WDR17: variants seen among roughly 807,000 people sequenced by gnomAD.
WDR17 encodes WD repeat domain 17.
In WDR17, 143 loss-of-function variants were observed where a neutral mutation model predicts 161.7. The ratio of observed to expected loss-of-function variants is 0.88; its 90% CI spans 0.77 to 1.02. WDR17 has a LOEUF of 1.02. Among genes scored for constraint, WDR17 ranks in the 50% least tolerant of loss-of-function variants. The pLI is 0.00. For missense variants in WDR17, 1,469 were observed against 1,520.9 expected, an observed-to-expected ratio of 0.97 and a Z score of 0.57; for synonymous variants, 517 against 515.6, an observed-to-expected ratio of 1.00 and a Z score of -0.04.
At chr4:176,080,947 T>A (rs1734668171) in intron 1 of WDR17, among the ~76,000 whole-genome samples, 1 of 145,736 alleles carries the variant, frequency 6.9e-6, no homozygotes, top group Non-Finnish European at 1.5e-5. Flanking sequence ...TTGCATTCAA[T>A]ATCTTTTAAT....
intron 1 of WDR17, among the ~76,000 whole-genome samples, chr4:176,086,581 A>G (rs1415407736): frequency 6.6e-6 from 1 of 151,868 alleles, no homozygotes; most frequent in Non-Finnish European, 1.5e-5. Flanking sequence ...TCTTGCCTCA[A>G]AATCTATTTT....
intron 26 of WDR17, among the ~76,000 whole-genome samples, chr4:176,175,596 C>T (rs1397262560): frequency 6.6e-6 from 1 of 152,120 alleles, no homozygotes; most frequent in Non-Finnish European, 1.5e-5. Context: ...CTCTCTCTGT[C>T]TCCCAGGCTG....
At chr4:176,088,068 T>C (rs1735647457) in intron 1 of WDR17, among the ~76,000 whole-genome samples, 1 of 152,154 alleles carries the variant, frequency 6.6e-6, no homozygotes, top group South Asian at 2.1e-4. Context: ...GGTCTCAAAC[T>C]CTTGGCCTCA....
intron 4 of WDR17, among the ~76,000 whole-genome samples, chr4:176,124,135 T>A (rs915073475): frequency 7.9e-5 from 12 of 152,206 alleles, no homozygotes; most frequent in African/African-American, 2.9e-4. Flanking sequence ...TATCTTTCAA[T>A]TGTGCTTTTT....
intron 1 of WDR17, among the ~76,000 whole-genome samples, chr4:176,109,023 C>T (rs1191346416): frequency 6.6e-6 from 1 of 152,144 alleles, no homozygotes; most frequent in Non-Finnish European, 1.5e-5. Context: ...CTCCTGGGTT[C>T]AAGCGATCCA....
Position 176,113,110 on chromosome 4 carries a change from C to T in WDR17, c.123+1407C>T, listed in dbSNP as rs551455671. ...TCATTTTCACCCCCTTCATACACAA[C>T]ACAGCAGCAAGACTTCTAAATGCCT... is the stretch of plus-strand genomic sequence containing the variant. On this transcript the variant is annotated intron_variant, in intron 2 of 28. Transcript: ENST00000508596. Among the ~76,000 whole-genome samples the T allele has an allele frequency of 4.6e-5, 7 of 151,994 alleles. 1 individual carries two copies. Among genetic ancestry groups the T allele is most frequent in the African/African-American group, 1.4e-4 (6 of 41,474 alleles).
intron 1 of WDR17, among the ~76,000 whole-genome samples, chr4:176,087,222 A>G (rs1735532011): frequency 6.6e-6 from 1 of 151,760 alleles, no homozygotes. Context: ...TTTTTCTAGA[A>G]TGGGTCTACT....
intron 17 of WDR17, among the ~76,000 whole-genome samples, chr4:176,152,933 C>CA (rs201147883): frequency 0.026 from 3,257 of 125,930 alleles, 44 homozygotes; most frequent in African/African-American, 0.051. Flanking sequence ...GACTCCATCT[C>CA]AAAAAAAAAA....
chr4:176,167,561 G>T (rs963892232), intron 22 of WDR17, among the ~76,000 whole-genome samples: 1 of 144,362 alleles, frequency 6.9e-6, no homozygotes, highest in East Asian at 2.2e-4. Flanking sequence ...CAGGAGAATG[G>T]CGTGAACCCC....
At chr4:176,122,469 T>G (rs1338571583) in intron 4 of WDR17, among the ~76,000 whole-genome samples, 1 of 152,216 alleles carries the variant, frequency 6.6e-6, no homozygotes, top group Non-Finnish European at 1.5e-5. Context: ...TAGCAATTAA[T>G]GTGCACAAAA....
intron 1 of WDR17, among the ~76,000 whole-genome samples, chr4:176,070,872 T>C (rs1733145206): frequency 6.6e-6 from 1 of 152,116 alleles, no homozygotes; most frequent in Non-Finnish European, 1.5e-5. Context: ...ATCCATTTGA[T>C]TTTCTTTGCT....
Position 176,179,660 on chromosome 4 carries a change from C to G in WDR17, c.*81C>G. The G allele has an allele frequency of 2.2e-6, 3 of 1,351,208 alleles. No individual in the cohort carries two copies. Among genetic ancestry groups the G allele is most frequent in the Non-Finnish European group, 2.9e-6 (3 of 1,037,424 alleles). 83.7% of individuals were successfully genotyped at this position (1,351,208 alleles called of 1,614,324 possible). On this transcript the variant is annotated 3_prime_UTR_variant, in exon 29 of 29. Transcript: ENST00000508596. ...TAGCATTACCTTAATCTTTGTTGCT[C>G]AAGTGCCAGAGGTTGGGAGAAGGAT...
chr4:176,119,733 C>A, intron 3 of WDR17, 134 bp from the exon 4 acceptor site: 2 of 807,810 alleles, frequency 2.5e-6, no homozygotes, highest in South Asian at 2.0e-5. Context: ...CTTTATAAAT[C>A]CAATTCCCAA....
chr4:176,164,879 CTA>C (rs1216776283), intron 22 of WDR17, among the ~76,000 whole-genome samples: 2 of 152,162 alleles, frequency 1.3e-5, no homozygotes, highest in Non-Finnish European at 2.9e-5. Context: ...AGTTATCTCT[CTA>C]TCAAGAGCTA....
At chr4:176,119,087 A>G (rs79184988) in intron 3 of WDR17, among the ~76,000 whole-genome samples, 6,101 of 152,216 alleles carry the variant, frequency 0.04, 152 homozygotes, top group East Asian at 0.13. Flanking sequence ...GTGTTGGAAG[A>G]TGTGCAATCT....
intron 11 of WDR17, 147 bp downstream of exon 11, chr4:176,142,216 T>C: frequency 2.0e-6 from 1 of 491,162 alleles, no homozygotes; most frequent in Non-Finnish European, 3.6e-6. Context: ...AACAGCCTTG[T>C]AATTGCTCAT....
chr4:176,169,357 A>G (rs894530492), intron 23 of WDR17, among the ~76,000 whole-genome samples: 3 of 152,214 alleles, frequency 2.0e-5, no homozygotes, highest in African/African-American at 4.8e-5. Flanking sequence ...ATTAAATTAC[A>G]GTACTTTTCT....
chr4:176,142,888 G>T (rs888301923), intron 11 of WDR17, among the ~76,000 whole-genome samples: 1 of 152,060 alleles, frequency 6.6e-6, no homozygotes, highest in Non-Finnish European at 1.5e-5. Context: ...GTTTTTTGTG[G>T]GTTTTTTGAG....
At chr4:176,083,051 T>A (rs1011850424) in intron 1 of WDR17, among the ~76,000 whole-genome samples, 1 of 152,156 alleles carries the variant, frequency 6.6e-6, no homozygotes, top group Non-Finnish European at 1.5e-5. Context: ...AAAACCAAAT[T>A]ATATTAAATA....
Sources: allele counts gnomAD v4.1 joint callset (sites outside exome capture counted in the v4.1 genomes callset), GRCh38; gene constraint gnomAD v4.1.1; transcripts MANE v1.5; gene names NCBI Gene and HGNC (gene_info 2026-07-23, HGNC 2026-07-21).